EHBP1: variants seen among roughly 807,000 people sequenced by gnomAD.
The protein encoded by EHBP1 is EH domain binding protein 1.
Under a neutral mutation model 144.0 loss-of-function variants are expected in EHBP1, and 55 were observed. The ratio of observed to expected loss-of-function variants is 0.38; its 90% CI spans 0.31 to 0.48. The LOEUF (loss-of-function observed/expected upper bound fraction) is 0.48, where lower values mean the gene tolerates loss of function less well. EHBP1 is among the 20% of genes least tolerant of loss of function. EHBP1 has a pLI of 0.98. For synonymous variants in EHBP1, 469 were observed against 472.7 expected (o/e 0.99, Z 0.10); for missense variants, 1,200 against 1,364.2 (o/e 0.88, Z 1.90).
intron 7 of EHBP1, among the ~76,000 whole-genome samples, chr2:62,845,840 G>A (rs1176499139): frequency 6.6e-6 from 1 of 152,102 alleles, no homozygotes; most frequent in African/African-American, 2.4e-5. Flanking sequence ...TATTTTGGAG[G>A]TCAGTTAAAA....
At chr2:62,953,204 C>T (rs1482636481) in intron 13 of EHBP1, among the ~76,000 whole-genome samples, 4 of 97,768 alleles carry the variant, frequency 4.1e-5, no homozygotes, top group African/African-American at 8.6e-5. Flanking sequence ...GCAACAAGAG[C>T]GAAAGTCCGT....
intron 7 of EHBP1, among the ~76,000 whole-genome samples, chr2:62,837,436 A>C: frequency 6.6e-6 from 1 of 151,636 alleles, no homozygotes; most frequent in East Asian, 1.9e-4. Flanking sequence ...ATCAACTAAC[A>C]AGCAAAATCA....
intron 6 of EHBP1, among the ~76,000 whole-genome samples, chr2:62,828,436 A>T (rs924979728): frequency 1.2e-4 from 18 of 152,328 alleles, no homozygotes; most frequent in South Asian, 4.1e-4. Flanking sequence ...TAAAACATTT[A>T]AAAAAAGTTC....
At chr2:63,042,273 C>T (rs958103618) in intron 21 of EHBP1, among the ~76,000 whole-genome samples, 6 of 151,978 alleles carry the variant, frequency 3.9e-5, no homozygotes, top group Admixed American at 6.6e-5. Context: ...AAATAGTTTA[C>T]TTAATTTCTC....
chr2:62,974,212 C>A (rs1179639184), intron 14 of EHBP1, among the ~76,000 whole-genome samples: 1 of 152,144 alleles, frequency 6.6e-6, no homozygotes, highest in East Asian at 1.9e-4. Flanking sequence ...GGAAGCATAC[C>A]ATCACATTGC....
At chr2:62,783,564 C>G (rs909366406) in intron 5 of EHBP1, among the ~76,000 whole-genome samples, 1 of 152,254 alleles carries the variant, frequency 6.6e-6, no homozygotes, top group Non-Finnish European at 1.5e-5. Flanking sequence ...GGCCCAACAC[C>G]ACGTAGAAGC....
chr2:62,868,181 C>T (rs537216682), intron 9 of EHBP1, among the ~76,000 whole-genome samples: 63 of 152,148 alleles, frequency 4.1e-4, no homozygotes, highest in Non-Finnish European at 1.8e-4. Flanking sequence ...TCAAGACCAG[C>T]GTGGCCAACA....
chr2:63,026,049 T>C (rs147285051), intron 19 of EHBP1, among the ~76,000 whole-genome samples: 1 of 152,304 alleles, frequency 6.6e-6, no homozygotes, highest in East Asian at 1.9e-4. Flanking sequence ...GCATTTTGGT[T>C]GATTGGTGCA....
intron 15 of EHBP1, among the ~76,000 whole-genome samples, chr2:62,980,137 A>G (rs1018184096): frequency 3.9e-5 from 6 of 152,142 alleles, no homozygotes; most frequent in Non-Finnish European, 8.8e-5. Context: ...GCCATCCCCA[A>G]CGTTTTTGGC....
chr2:62,682,253 G>T (rs1407396940), intron 1 of EHBP1, among the ~76,000 whole-genome samples: 1 of 152,150 alleles, frequency 6.6e-6, no homozygotes, highest in Non-Finnish European at 1.5e-5. Flanking sequence ...TTACTAGGGT[G>T]TGTTATAAAA....
rs1558562303 is a variant in EHBP1, at chr2:62,729,384, TC to T, written c.105-18010del. Reference sequence around the variant, plus strand: ...ATATAATATAATATAATAATAAATATCATATTTATTATATATAATAAATATA... The same window carrying T: ...ATATAATATAATATAATAATAAATATATATTTATTATATATAATAAATATA... On this transcript the variant is annotated intron_variant, in intron 2 of 22. Coordinates refer to ENST00000431489, the MANE Select transcript of EHBP1 (RefSeq NM_001142616.3). 4.4e-4 allele frequency among the ~76,000 whole-genome samples: 53 copies of T among 120,424 alleles called. 1 individual carries two copies. The highest frequency in any genetic ancestry group is 4.3e-3 in the South Asian group (19 of 4,450). The allele number at this position is 120,424 out of a possible 152,430, so 79.0% of individuals were successfully genotyped here.
chr2:62,893,042 T>G (rs1239169861), intron 10 of EHBP1, among the ~76,000 whole-genome samples: 2 of 152,140 alleles, frequency 1.3e-5, no homozygotes, highest in Admixed American at 6.6e-5. Context: ...CCAAAAGATA[T>G]TTTTCAAAAG....
intron 15 of EHBP1, among the ~76,000 whole-genome samples, chr2:62,979,755 G>A (rs1423016697): frequency 6.6e-6 from 1 of 152,014 alleles, no homozygotes; most frequent in East Asian, 1.9e-4. Flanking sequence ...CAATATTCTG[G>A]CATTATAGCC....
intron 1 of EHBP1, among the ~76,000 whole-genome samples, chr2:62,685,493 T>C (rs1376460296): frequency 6.6e-6 from 1 of 152,082 alleles, no homozygotes; most frequent in Admixed American, 6.5e-5. Context: ...CTCTCTGTGG[T>C]TGTCTGTGTC....
chr2:62,896,280 A>G (rs750387164), intron 10 of EHBP1, among the ~76,000 whole-genome samples: 2 of 152,204 alleles, frequency 1.3e-5, no homozygotes, highest in Non-Finnish European at 2.9e-5. Flanking sequence ...AGAATCGAAA[A>G]AAGGCTATGT....
intron 12 of EHBP1, 112 bp from the exon 13 acceptor site, chr2:62,948,148 C>A: frequency 1.1e-6 from 1 of 899,522 alleles, no homozygotes; most frequent in Non-Finnish European, 1.5e-6. Flanking sequence ...TTTCATGTGA[C>A]ATAATGTCGA....
chr2:62,793,390 C>G (rs978131582), intron 5 of EHBP1, among the ~76,000 whole-genome samples: 2 of 152,060 alleles, frequency 1.3e-5, no homozygotes, highest in African/African-American at 4.8e-5. Flanking sequence ...ACAGCTTGAA[C>G]TAGTGAAAAT....
At chr2:63,042,207 C>T (rs759753272) in intron 21 of EHBP1, among the ~76,000 whole-genome samples, 3 of 151,996 alleles carry the variant, frequency 2.0e-5, no homozygotes, top group South Asian at 2.1e-4. Flanking sequence ...CTTGAACATG[C>T]GAATGTGAAT....
intron 5 of EHBP1, among the ~76,000 whole-genome samples, chr2:62,790,847 T>C (rs1346230917): frequency 6.6e-6 from 1 of 152,092 alleles, no homozygotes; most frequent in Non-Finnish European, 1.5e-5. Context: ...TTGTCTCTTG[T>C]GTTTTATCTT....
Sources: allele counts gnomAD v4.1 joint callset (sites outside exome capture counted in the v4.1 genomes callset), GRCh38; gene constraint gnomAD v4.1.1; transcripts MANE v1.5; gene names NCBI Gene and HGNC (gene_info 2026-07-23, HGNC 2026-07-21).